The following FXR1 variants were observed in gnomAD, a reference collection of about 807,000 sequenced individuals.
FXR1 encodes the protein FMR1 autosomal homolog 1, also known as RNA-binding protein FXR1.
Under a neutral mutation model 84.0 loss-of-function variants are expected in FXR1, and 15 were observed. The observed-to-expected ratio is 0.18, with a 90% CI of 0.12 to 0.27. FXR1 has a LOEUF of 0.27. Among genes scored for constraint, FXR1 ranks in the 10% least tolerant of loss-of-function variants. The probability of loss-of-function intolerance (pLI) is 1.00; values close to 1 mark genes in which losing one functional copy is unlikely to be tolerated. For missense variants in FXR1, 480 were observed against 774.4 expected (o/e 0.62, Z 4.51); for synonymous variants, 245 against 250.7 (o/e 0.98, Z 0.21).
In FXR1 at chr3:180,961,499, A is replaced by G; in HGVS notation, c.1022A>G (p.Lys341Arg). 6.3e-7 allele frequency: 1 copy of G among 1,576,076 alleles called. No individual in the cohort carries two copies. Among genetic ancestry groups the G allele is most frequent in the Non-Finnish European group, 8.7e-7 (1 of 1,145,760 alleles). ...GTTCCATTTGTATTTGTTGGCACTA[A>G]AGAAAGCATTGGAAATGTGCAGGTT... ...GMVPFVFVGT[K>R]ESIGNVQVLL... Residue 341 changes from lysine (K) to arginine (R), a missense_variant, in exon 11 of 17, where the codon AAA becomes AGA. Physicochemically the swap from Lys to Arg is conservative, Grantham distance 26. Coordinates refer to ENST00000357559, the MANE Select transcript of FXR1 (RefSeq NM_005087.4).
At chr3:180,926,200 A>G (rs1172481613) in intron 1 of FXR1, among the ~76,000 whole-genome samples, 1 of 152,122 alleles carries the variant, frequency 6.6e-6, no homozygotes, top group Non-Finnish European at 1.5e-5. Context: ...CATGCCAGCG[A>G]TTCATGAGAA....
intron 1 of FXR1, among the ~76,000 whole-genome samples, chr3:180,932,850 C>T (rs1230000950): frequency 2.0e-5 from 3 of 152,184 alleles, no homozygotes; most frequent in Admixed American, 2.0e-4. Flanking sequence ...GTGCCAGGTA[C>T]TGTGCTAAAC....
At chr3:180,956,568 CT>C (rs759995386) in intron 9 of FXR1, among the ~76,000 whole-genome samples, 46 of 152,216 alleles carry the variant, frequency 3.0e-4, no homozygotes, top group Non-Finnish European at 5.0e-4. Context: ...CATTTGCTTA[CT>C]TTTAGCAGGG....
At chr3:180,975,962 T>C (rs1160589872) in intron 16 of FXR1, among the ~76,000 whole-genome samples, 160 bp from the exon 17 acceptor site, 1 of 152,182 alleles carries the variant, frequency 6.6e-6, no homozygotes, top group Non-Finnish European at 1.5e-5. Context: ...GAATACTTTG[T>C]TATTTGTTTT....
At chr3:180,950,413 TCTTAAGAAA>T (rs1198888842) in intron 7 of FXR1, among the ~76,000 whole-genome samples, 1 of 152,230 alleles carries the variant, frequency 6.6e-6, no homozygotes, top group African/African-American at 2.4e-5. Context: ...TTCCTTTGTT[TCTTAAGAAA>T]CTTGAGTTTT....
intron 1 of FXR1, among the ~76,000 whole-genome samples, chr3:180,916,244 C>T (rs1274647836): frequency 6.6e-6 from 1 of 152,152 alleles, no homozygotes; most frequent in African/African-American, 2.4e-5. Flanking sequence ...GTGTAACCAC[C>T]GCCACAGTCT....
intron 10 of FXR1, among the ~76,000 whole-genome samples, chr3:180,961,244 ACAGGAGAATCACTTGAG>A (rs1468947084): frequency 6.6e-6 from 1 of 150,798 alleles, no homozygotes; most frequent in Non-Finnish European, 1.5e-5. Flanking sequence ...GGAGGCTGAG[ACAGGAGAATCACTTGAG>A]CCCAGGAGTT....
intron 10 of FXR1, 100 bp from the exon 11 acceptor site, chr3:180,961,349 AAAAAAAAAAAAAAAAAAAG>A: frequency 4.6e-6 from 2 of 431,780 alleles, no homozygotes; most frequent in South Asian, 7.0e-5. Flanking sequence ...CAAAAAAAAA[AAAAAAAAAAAAAAAAAAAG>A]GTGTGTGTGT....
chr3:180,942,304 G>A (rs1323518506), intron 3 of FXR1, among the ~76,000 whole-genome samples: 14 of 149,570 alleles, frequency 9.4e-5, no homozygotes, highest in South Asian at 4.2e-4. Flanking sequence ...CGTGAACCCC[G>A]GAGGTGGAGC....
chr3:180,974,589 C>T (rs1577011869), intron 15 of FXR1, among the ~76,000 whole-genome samples: 1 of 152,112 alleles, frequency 6.6e-6, no homozygotes, highest in Admixed American at 6.5e-5. Context: ...CCACTACTGC[C>T]ACTTCTTTGC....
intron 9 of FXR1, among the ~76,000 whole-genome samples, chr3:180,957,080 T>C (rs1722813684): frequency 6.6e-6 from 1 of 152,218 alleles, no homozygotes; most frequent in African/African-American, 2.4e-5. Flanking sequence ...GTTATTTATG[T>C]GAGTATGTGC....
chr3:180,950,821 A>G (rs576240286), intron 7 of FXR1, among the ~76,000 whole-genome samples: 10 of 152,326 alleles, frequency 6.6e-5, no homozygotes, highest in South Asian at 4.1e-4. Flanking sequence ...GGCAGAATGT[A>G]TATACCACAT....
chr3:180,945,702 G>C (rs1219818986), intron 3 of FXR1, among the ~76,000 whole-genome samples: 1 of 152,192 alleles, frequency 6.6e-6, no homozygotes, highest in Non-Finnish European at 1.5e-5. Flanking sequence ...AAGCCACCGT[G>C]CCTGACCACA....
At chr3:180,923,628 A>G (rs1718831866) in intron 1 of FXR1, among the ~76,000 whole-genome samples, 1 of 152,122 alleles carries the variant, frequency 6.6e-6, no homozygotes, top group South Asian at 2.1e-4. Flanking sequence ...AAGCTCCAGG[A>G]AGATTTACCA....
rs570168654 is a variant in FXR1 at position 180,982,595 on chromosome 3, T to A, written c.*6303T>A. ...TTATACCTATTAAGTTAAATTTCCC[T>A]TTTTAGAGTTAATGCTTCATTGCCT... On this transcript the variant is annotated 3_prime_UTR_variant, in exon 17 of 17. Transcript: ENST00000357559. 4.6e-5 allele frequency: 7 copies of A among 152,306 alleles called. No homozygotes were observed. Among genetic ancestry groups the A allele is most frequent in the African/African-American group, 1.7e-4 (7 of 41,586 alleles). 9.4% of individuals were successfully genotyped at this position (152,306 alleles called of 1,614,324 possible).
chr3:180,945,989 G>C (rs1445998564), intron 3 of FXR1, among the ~76,000 whole-genome samples: 1 of 152,126 alleles, frequency 6.6e-6, no homozygotes, highest in African/African-American at 2.4e-5. Context: ...GTTTTGCTTT[G>C]TAAGATAATT....
In FXR1 at chr3:180,982,558, C is replaced by A. The variant is rs966982039; in HGVS notation, c.*6266C>A. The A allele has an allele frequency of 2.6e-5, 4 of 152,072 alleles. No individual in the cohort carries two copies. The highest frequency in any genetic ancestry group is 5.9e-5 in the Non-Finnish European group (4 of 67,992). The allele number at this position is 152,072 out of a possible 1,614,324, so 9.4% of individuals were successfully genotyped here. A position where few individuals can be genotyped will look rare whatever the true frequency, so the allele number is the denominator to read the frequency against. The stretch of plus-strand genomic sequence containing the variant: ...AACGGGTATGTTGTTTGCACTGAAC[C>A]CTCAAAAGTATTTATACCTATTAAG... On this transcript the variant is annotated 3_prime_UTR_variant, in exon 17 of 17. Coordinates refer to ENST00000357559, the MANE Select transcript of FXR1 (RefSeq NM_005087.4).
At chr3:180,938,403 C>T (rs902215377) in intron 3 of FXR1, among the ~76,000 whole-genome samples, 3 of 152,156 alleles carry the variant, frequency 2.0e-5, no homozygotes, top group Non-Finnish European at 4.4e-5. Context: ...CATGAATTCT[C>T]ATTTCCTTAA....
chr3:180,936,938 G>C (rs936839385), intron 3 of FXR1, among the ~76,000 whole-genome samples: 3 of 152,112 alleles, frequency 2.0e-5, no homozygotes, highest in Admixed American at 6.6e-5. Flanking sequence ...GGTGGCATCT[G>C]GGGGAGACAC....
Sources: allele counts gnomAD v4.1 joint callset (sites outside exome capture counted in the v4.1 genomes callset), GRCh38; gene constraint gnomAD v4.1.1; transcripts MANE v1.5; gene names NCBI Gene and HGNC (gene_info 2026-07-23, HGNC 2026-07-21).